RP1: variants seen among roughly 807,000 people sequenced by gnomAD.
RP1 encodes the protein RP1 axonemal microtubule associated, also known as oxygen-regulated protein 1.
Under a neutral mutation model 14.8 loss-of-function variants are expected in RP1, and 16 were observed. The observed-to-expected ratio is 1.08, with a 90% confidence interval of 0.73 to 1.65. The LOEUF is 1.65. Ranked by LOEUF, RP1 falls within the 40% of genes most tolerant of loss-of-function variation. The pLI, the probability that RP1 is intolerant of heterozygous loss-of-function variation, is 0.00. For synonymous variants in RP1, 876 were observed against 883.6 expected (o/e 0.99, Z 0.15); for missense variants, 2,631 against 2,535.0 (o/e 1.04, Z -0.81).
chr8:54,638,086 T>C (rs769322023), intron 3 of RP1, among the ~76,000 whole-genome samples: 1 of 152,158 alleles, frequency 6.6e-6, no homozygotes, highest in African/African-American at 2.4e-5. Flanking sequence ...ATATTGAATG[T>C]CTTGTTTATT....
chr8:54,767,566 G>A (rs1282506496), intron 22 of RP1, among the ~76,000 whole-genome samples: 1 of 151,956 alleles, frequency 6.6e-6, no homozygotes, highest in Non-Finnish European at 1.5e-5. Flanking sequence ...CACCATGTTG[G>A]CCAGGCTGGT....
chr8:54,846,256 C>T (rs546436131), intron 25 of RP1, among the ~76,000 whole-genome samples: 4 of 152,292 alleles, frequency 2.6e-5, no homozygotes, highest in Admixed American at 1.3e-4. Flanking sequence ...AGACACGTGT[C>T]GTGTATAAGG....
At chr8:54,585,666 T>C (rs975075254) in intron 1 of RP1, among the ~76,000 whole-genome samples, 3 of 152,352 alleles carry the variant, frequency 2.0e-5, no homozygotes, top group Middle Eastern at 3.4e-3. Context: ...TTTCACATAG[T>C]CCTATATTTC....
chr8:54,646,733 T>TATGG (rs1806558470), intron 3 of RP1, among the ~76,000 whole-genome samples: 1 of 152,224 alleles, frequency 6.6e-6, no homozygotes, highest in African/African-American at 2.4e-5. Context: ...TTCCATTCTT[T>TATGG]CACTTTTCAG....
intron 19 of RP1, chr8:54,739,109 C>T (rs553128488): frequency 8.8e-5 from 86 of 975,240 alleles, no homozygotes; most frequent in Middle Eastern, 8.5e-4. Flanking sequence ...GCAGTGAAAA[C>T]GGTATTTTCC....
chr8:54,692,956 A>T (rs1259516581), intron 12 of RP1, among the ~76,000 whole-genome samples: 1 of 152,160 alleles, frequency 6.6e-6, no homozygotes, highest in Non-Finnish European at 1.5e-5. Context: ...TTTAGGTCTA[A>T]CATTTACGTC....
At position 54,626,598 on chromosome 8, in the gene RP1, G is replaced by T. The variant is rs201538234; in HGVS notation, c.2716G>T (p.Ala906Ser). ...ASLKKPDFPE[A>S]IAHHSIQNYI... ...TTTGAAAAAACCTGATTTTCCTGAG[G>T]CTATTGCTCATCATTCAATTCAAAA... Residue 906 changes from alanine (A) to serine (S), a missense_variant, in exon 4 of 4, where the codon GCT (alanine) becomes TCT (serine). By Grantham distance (99) the Ala-to-Ser change is moderately conservative (BLOSUM62 1). Coordinates refer to ENST00000220676, the MANE Select transcript of RP1 (RefSeq NM_006269.2). 7.4e-6 allele frequency: 12 copies of T among 1,613,526 alleles called. No homozygotes were observed. Among genetic ancestry groups the T allele is most frequent in the Non-Finnish European group, 1.0e-5 (12 of 1,179,876 alleles).
intron 22 of RP1, among the ~76,000 whole-genome samples, chr8:54,759,765 A>G (rs994453414): frequency 1.3e-4 from 20 of 152,134 alleles, no homozygotes; most frequent in Admixed American, 2.0e-4. Flanking sequence ...ATGGGCAATC[A>G]TGTTTATTGT....
At chr8:54,742,512 G>A (rs995503037) in intron 19 of RP1, among the ~76,000 whole-genome samples, 2 of 152,198 alleles carry the variant, frequency 1.3e-5, no homozygotes, top group Non-Finnish European at 2.9e-5. Context: ...ATATGTTCCA[G>A]TCAGTAAGTC....
At chr8:54,662,929 G>C (rs923728018) in intron 6 of RP1, among the ~76,000 whole-genome samples, 9 of 152,148 alleles carry the variant, frequency 5.9e-5, no homozygotes, top group African/African-American at 2.2e-4. Flanking sequence ...TAGAACTCTT[G>C]ATTGGATTTC....
At chr8:54,769,913 C>G (rs1427530733) in exon 23 of RP1, 2 of 675,718 alleles carry the variant, frequency 3.0e-6, no homozygotes, top group African/African-American at 3.6e-5. Flanking sequence ...TGATATTTAT[C>G]TTTTATTATT....
chr8:54,853,997 GA>G (rs1170876692), intron 26 of RP1, among the ~76,000 whole-genome samples: 1 of 151,218 alleles, frequency 6.6e-6, no homozygotes, highest in African/African-American at 2.4e-5. Flanking sequence ...AAGAAAGAAA[GA>G]AAAGAAAAGA....
intron 25 of RP1, chr8:54,837,807 C>T: frequency 2.3e-6 from 1 of 427,376 alleles, no homozygotes; most frequent in Non-Finnish European, 3.9e-6. Flanking sequence ...AAGTCTCTGC[C>T]AAAACTGCTC....
At chr8:54,617,061 C>G (rs1056342409) in intron 1 of RP1, among the ~76,000 whole-genome samples, 18 of 152,254 alleles carry the variant, frequency 1.2e-4, no homozygotes, top group African/African-American at 4.1e-4. Flanking sequence ...TAAAGAGTCT[C>G]TGCAGAGAAG....
chr8:54,579,054 G>T (rs1316386952), intron 1 of RP1, among the ~76,000 whole-genome samples: 1 of 152,126 alleles, frequency 6.6e-6, no homozygotes, highest in Non-Finnish European at 1.5e-5. Context: ...CACTTGTAAG[G>T]TTGGATGCTT....
chr8:54,607,846 G>A (rs1805494735), intron 1 of RP1, among the ~76,000 whole-genome samples: 1 of 152,186 alleles, frequency 6.6e-6, no homozygotes, highest in African/African-American at 2.4e-5. Context: ...TCTGAGCCAT[G>A]CGTGGGATAT....
chr8:54,713,247 T>G (rs1040825522), intron 15 of RP1, among the ~76,000 whole-genome samples: 3 of 152,324 alleles, frequency 2.0e-5, no homozygotes, highest in Admixed American at 6.5e-5. Flanking sequence ...AATTTTTATC[T>G]TGTATAAGTA....
At chr8:54,659,727 A>C (rs1258439461) in intron 6 of RP1, among the ~76,000 whole-genome samples, 1 of 152,132 alleles carries the variant, frequency 6.6e-6, no homozygotes, top group East Asian at 1.9e-4. Flanking sequence ...ATCTACATGA[A>C]TTTTTGGATT....
intron 27 of RP1, among the ~76,000 whole-genome samples, chr8:54,859,078 T>C (rs1464802233): frequency 6.6e-6 from 1 of 150,674 alleles, no homozygotes. Flanking sequence ...AGGGGTGTCA[T>C]TATAGAGTTG....
Sources: gnomAD v4.1 joint callset for allele counts (sites outside exome capture counted in the v4.1 genomes callset) on GRCh38, gnomAD v4.1.1 for gene constraint, MANE v1.5 for transcripts, NCBI Gene and HGNC (gene_info 2026-07-23, HGNC 2026-07-21) for gene names.